Variants in CHST11 observed in about 807,000 individuals in gnomAD.
The protein encoded by CHST11 is carbohydrate sulfotransferase 11, also known as C4S-1.
CHST11 carries 9 observed loss-of-function variants against 30.4 expected under a neutral mutation model. That is an observed-to-expected ratio of 0.30 (90% CI 0.18 to 0.52). CHST11 has a LOEUF of 0.52. Ranked by LOEUF, CHST11 falls within the 20% of genes least tolerant of loss-of-function variation. CHST11 has a pLI of 0.97. For synonymous variants in CHST11, 152 were observed against 187.8 expected, an observed-to-expected ratio of 0.81 and a Z score of 1.56; for missense variants, 348 against 460.6, an observed-to-expected ratio of 0.76 and a Z score of 2.24.
At chr12:104,728,490 G>A (rs546909941) in intron 2 of CHST11, among the ~76,000 whole-genome samples, 3 of 152,128 alleles carry the variant, frequency 2.0e-5, no homozygotes, top group Admixed American at 2.0e-4. Context: ...AAAAAGCAAG[G>A]GGTTGGAGGA....
At chr12:104,679,693 C>A (rs2039776472) in intron 2 of CHST11, among the ~76,000 whole-genome samples, 1 of 152,180 alleles carries the variant, frequency 6.6e-6, no homozygotes, top group Non-Finnish European at 1.5e-5. Context: ...ACCTGCCCTG[C>A]AGAGAGCAGG....
intron 2 of CHST11, among the ~76,000 whole-genome samples, chr12:104,714,908 C>G (rs1306685155): frequency 1.3e-5 from 2 of 152,146 alleles, no homozygotes; most frequent in Admixed American, 6.5e-5. Flanking sequence ...GGCTAGAACT[C>G]AAGACCTAAT....
rs569908443 is a variant in CHST11 at position 104,567,876 on chromosome 12, A to G, written c.119-34030A>G. ...GAGGGAGCCTCTTCACCCCTCTGCC[A>G]TGTGAAGACACAGAAGGCATCACTG... On this transcript the variant is annotated intron_variant, in intron 1 of 2. Transcript: ENST00000303694. Among the ~76,000 whole-genome samples the G allele has an allele frequency of 7.2e-5, 11 of 152,348 alleles. No homozygotes were observed. The East Asian group carries it at 2.1e-3, about 29-fold the overall frequency.
intron 2 of CHST11, among the ~76,000 whole-genome samples, chr12:104,679,014 A>AT (rs1386585526): frequency 6.6e-6 from 1 of 152,032 alleles, no homozygotes; most frequent in Non-Finnish European, 1.5e-5. Flanking sequence ...TCCAGACAAA[A>AT]CCAGCTCGTA....
intron 1 of CHST11, among the ~76,000 whole-genome samples, chr12:104,482,773 G>A (rs1226136116): frequency 6.6e-6 from 1 of 152,098 alleles, no homozygotes; most frequent in African/African-American, 2.4e-5. Context: ...ACCCAAGGTT[G>A]CAGATTTCAA....
At chr12:104,463,019 A>G (rs1457537486) in intron 1 of CHST11, among the ~76,000 whole-genome samples, 1 of 152,216 alleles carries the variant, frequency 6.6e-6, no homozygotes, top group African/African-American at 2.4e-5. Flanking sequence ...GAGGGAATCC[A>G]TCCTTCAGCA....
At chr12:104,558,747 A>C (rs1704902) in intron 1 of CHST11, among the ~76,000 whole-genome samples, 113,617 of 151,668 alleles carry the variant, frequency 0.75, 42,968 homozygotes, top group East Asian at 0.98. Context: ...ACATGTTGCC[A>C]AGGCTGGTCT....
chr12:104,516,482 G>A (rs1380313135), intron 1 of CHST11, among the ~76,000 whole-genome samples: 2 of 152,080 alleles, frequency 1.3e-5, no homozygotes, highest in Non-Finnish European at 2.9e-5. Context: ...GTGAAGCAAT[G>A]AGGTGGATAT....
rs570695638 is a variant in CHST11, at chr12:104,759,152, C to G, written c.*1349C>G. ...AATGGTTTTTACCCCTCATGAAGGT[C>G]AGAGGTGGACTATTTGTACACATAC... is the stretch of plus-strand genomic sequence containing the variant. On this transcript the variant is annotated 3_prime_UTR_variant, in exon 3 of 3. Coordinates refer to ENST00000303694, the MANE Select transcript of CHST11 (RefSeq NM_018413.6). 2 of 152,280 alleles carry G rather than the reference C, an allele frequency of 1.3e-5. No homozygotes were observed. The highest frequency in any genetic ancestry group is 1.3e-4 in the Admixed American group (2 of 15,300). The allele number at this position is 152,280 out of a possible 1,614,324, so 9.4% of individuals were successfully genotyped here.
At chr12:104,482,281 G>A (rs2037632190) in intron 1 of CHST11, among the ~76,000 whole-genome samples, 1 of 151,090 alleles carries the variant, frequency 6.6e-6, no homozygotes, top group Non-Finnish European at 1.5e-5. Context: ...GGGTATTTAC[G>A]AGCCAGTGGA....
intron 1 of CHST11, among the ~76,000 whole-genome samples, chr12:104,486,062 T>C (rs200883199): frequency 1.3e-5 from 2 of 152,204 alleles, no homozygotes; most frequent in East Asian, 3.9e-4. Flanking sequence ...GTGCCCATCT[T>C]CGTCTTCCTT....
intron 2 of CHST11, among the ~76,000 whole-genome samples, chr12:104,614,272 C>A (rs1457722416): frequency 6.6e-6 from 1 of 152,156 alleles, no homozygotes; most frequent in East Asian, 1.9e-4. Flanking sequence ...GAGGTCCTGG[C>A]CAGACGCAGT....
At chr12:104,523,162 A>G (rs1299012232) in intron 1 of CHST11, among the ~76,000 whole-genome samples, 2 of 152,230 alleles carry the variant, frequency 1.3e-5, no homozygotes, top group African/African-American at 4.8e-5. Flanking sequence ...GCAGAAACTT[A>G]TCTCTGAGAT....
chr12:104,707,950 A>T (rs1253271599), intron 2 of CHST11, among the ~76,000 whole-genome samples: 1 of 152,232 alleles, frequency 6.6e-6, no homozygotes, highest in Non-Finnish European at 1.5e-5. Flanking sequence ...AGATACAAAC[A>T]CATACAGACT....
At chr12:104,660,329 C>T (rs2039587495) in intron 2 of CHST11, among the ~76,000 whole-genome samples, 1 of 152,224 alleles carries the variant, frequency 6.6e-6, no homozygotes, top group South Asian at 2.1e-4. Flanking sequence ...GGGTTTTTAG[C>T]TCACTGGGTC....
intron 1 of CHST11, among the ~76,000 whole-genome samples, chr12:104,536,137 G>A (rs999933460): frequency 3.3e-5 from 5 of 152,166 alleles, no homozygotes; most frequent in African/African-American, 4.8e-5. Context: ...TGGCAGGGAC[G>A]TGAAAATGAT....
At chr12:104,687,606 A>G (rs1268266276) in intron 2 of CHST11, among the ~76,000 whole-genome samples, 2 of 152,178 alleles carry the variant, frequency 1.3e-5, no homozygotes, top group African/African-American at 4.8e-5. Context: ...AGACCTGGGC[A>G]GTGAGGAGGT....
intron 1 of CHST11, among the ~76,000 whole-genome samples, chr12:104,502,610 A>C (rs1392484206): frequency 6.6e-6 from 1 of 152,240 alleles, no homozygotes; most frequent in Non-Finnish European, 1.5e-5. Context: ...AAGGTGATCC[A>C]GATGGAGAGA....
intron 1 of CHST11, among the ~76,000 whole-genome samples, chr12:104,466,977 CT>C (rs2135951654): frequency 6.6e-6 from 1 of 152,270 alleles, no homozygotes; most frequent in South Asian, 2.1e-4. Context: ...ATGCCATTTT[CT>C]TGTGTGCCTG....
Sources: allele counts gnomAD v4.1 joint callset (sites outside exome capture counted in the v4.1 genomes callset), GRCh38; gene constraint gnomAD v4.1.1; transcripts MANE v1.5; gene names NCBI Gene and HGNC (gene_info 2026-07-23, HGNC 2026-07-21).